ADGRL3: variants seen among roughly 807,000 people sequenced by gnomAD.
ADGRL3 encodes the protein calcium-independent alpha-latrotoxin receptor 3.
Under a neutral mutation model 153.5 loss-of-function variants are expected in ADGRL3, and 62 were observed. The observed-to-expected ratio is 0.40, with a 90% CI of 0.33 to 0.50. The LOEUF is 0.50. Among genes scored for constraint, ADGRL3 ranks in the 20% least tolerant of loss-of-function variants. The pLI, the probability that ADGRL3 is intolerant of heterozygous loss-of-function variation, is 0.47. For missense variants in ADGRL3, 1,641 were observed against 1,859.4 expected (o/e 0.88, Z 2.16); for synonymous variants, 710 against 672.5 (o/e 1.06, Z -0.86).
At chr4:61,428,856 T>TATCTATC (rs1560615965) in intron 2 of ADGRL3, among the ~76,000 whole-genome samples, 1 of 126,252 alleles carries the variant, frequency 7.9e-6, no homozygotes, top group East Asian at 2.2e-4. Context: ...TCTATCTATC[T>TATCTATC]ATCTATCTAT....
intron 6 of ADGRL3, among the ~76,000 whole-genome samples, chr4:61,711,495 C>CACAA: frequency 1.1e-5 from 1 of 87,328 alleles, no homozygotes; most frequent in Admixed American, 1.5e-4. Flanking sequence ...TATATATACA[C>CACAA]ACACACACAC....
At chr4:61,541,818 C>T (rs2098691402) in intron 4 of ADGRL3, among the ~76,000 whole-genome samples, 1 of 142,042 alleles carries the variant, frequency 7.0e-6, no homozygotes, top group African/African-American at 2.6e-5. Flanking sequence ...TTTTTTGAGC[C>T]TTAGATATAT....
intron 3 of ADGRL3, among the ~76,000 whole-genome samples, chr4:61,515,837 A>G (rs1005110846): frequency 3.3e-5 from 5 of 152,170 alleles, no homozygotes; most frequent in African/African-American, 1.2e-4. Context: ...AGAGAGGGAT[A>G]TCTTAGGAGC....
At chr4:61,959,571 G>A (rs2098980282) in intron 17 of ADGRL3, among the ~76,000 whole-genome samples, 1 of 152,066 alleles carries the variant, frequency 6.6e-6, no homozygotes, top group Admixed American at 6.6e-5. Flanking sequence ...AACAGTCACA[G>A]TTTGGAACAT....
chr4:61,745,788 T>A (rs1415489394), intron 8 of ADGRL3, among the ~76,000 whole-genome samples: 6 of 152,086 alleles, frequency 3.9e-5, no homozygotes, highest in Non-Finnish European at 8.8e-5. Context: ...AGGCTAGGAA[T>A]AAACTGCATC....
At chr4:61,500,401 G>T (rs1006103136) in intron 3 of ADGRL3, among the ~76,000 whole-genome samples, 1 of 152,082 alleles carries the variant, frequency 6.6e-6, no homozygotes, top group Non-Finnish European at 1.5e-5. Context: ...CAGCCTTTTG[G>T]AACCTAACTT....
At chr4:61,739,548 A>G (rs1001107485) in intron 8 of ADGRL3, among the ~76,000 whole-genome samples, 1 of 152,352 alleles carries the variant, frequency 6.6e-6, no homozygotes, top group Middle Eastern at 3.4e-3. Flanking sequence ...AGACTGTTGA[A>G]TGATTAAATG....
chr4:61,373,969 A>G (rs1578508818), intron 1 of ADGRL3, among the ~76,000 whole-genome samples: 1 of 152,198 alleles, frequency 6.6e-6, no homozygotes. Flanking sequence ...TGTCCTCAAA[A>G]GGCAGAGTAA....
intron 6 of ADGRL3, among the ~76,000 whole-genome samples, chr4:61,700,847 G>T (rs978801818): frequency 6.6e-6 from 1 of 152,224 alleles, no homozygotes; most frequent in South Asian, 2.1e-4. Context: ...TCAAGAATGA[G>T]CTAGGGAGAG....
intron 8 of ADGRL3, among the ~76,000 whole-genome samples, chr4:61,780,368 G>A (rs1043168424): frequency 3.9e-5 from 6 of 152,214 alleles, no homozygotes; most frequent in Admixed American, 3.9e-4. Context: ...CAGTCATGCA[G>A]TGTTTTGATC....
chr4:61,619,845 A>C (rs1579900078), intron 5 of ADGRL3, among the ~76,000 whole-genome samples: 2 of 152,252 alleles, frequency 1.3e-5, no homozygotes, highest in South Asian at 2.1e-4. Context: ...TGTGTTATGG[A>C]GGAGGCAAAT....
chr4:61,775,665 A>C, intron 8 of ADGRL3: 1 of 1,512,530 alleles, frequency 6.6e-7, no homozygotes, highest in Non-Finnish European at 9.1e-7. Flanking sequence ...CCAACTTGAC[A>C]TACATCACAG....
intron 1 of ADGRL3, among the ~76,000 whole-genome samples, chr4:61,342,335 A>C (rs1324627674): frequency 6.6e-6 from 1 of 152,172 alleles, no homozygotes; most frequent in Non-Finnish European, 1.5e-5. Context: ...TATAGTCTAT[A>C]AACATTGTGG....
intron 1 of ADGRL3, among the ~76,000 whole-genome samples, chr4:61,377,601 T>C (rs1578527778): frequency 6.6e-6 from 1 of 152,166 alleles, no homozygotes; most frequent in East Asian, 1.9e-4. Flanking sequence ...GGGATTTTTT[T>C]CATAGCATAA....
At chr4:61,749,358 G>A (rs1415022297) in intron 8 of ADGRL3, among the ~76,000 whole-genome samples, 1 of 152,106 alleles carries the variant, frequency 6.6e-6, no homozygotes, top group Non-Finnish European at 1.5e-5. Flanking sequence ...TCCCATTACT[G>A]GGTATATACC....
intron 10 of ADGRL3, among the ~76,000 whole-genome samples, chr4:61,895,311 C>T (rs967117888): frequency 3.9e-5 from 6 of 152,122 alleles, no homozygotes; most frequent in African/African-American, 1.4e-4. Flanking sequence ...ACTAAAAATA[C>T]ACAAATTAGC....
At chr4:62,041,319 G>T (rs1582019761) in intron 24 of ADGRL3, among the ~76,000 whole-genome samples, 1 of 151,750 alleles carries the variant, frequency 6.6e-6, no homozygotes, top group Middle Eastern at 3.4e-3. Context: ...CACAGAAATG[G>T]GTGTAACTTT....
intron 2 of ADGRL3, chr4:61,420,470 C>G (rs1292643149): frequency 7.0e-6 from 1 of 143,010 alleles, no homozygotes; most frequent in African/African-American, 2.6e-5. Flanking sequence ...GCAGTGGCGC[C>G]ATCTCGTCTC....
chr4:61,995,695 T>A, intron 19 of ADGRL3, among the ~76,000 whole-genome samples: 1 of 152,194 alleles, frequency 6.6e-6, no homozygotes, highest in East Asian at 1.9e-4. Context: ...ATTAATAATT[T>A]ACTTTTGGGT....
Sources: gnomAD v4.1 joint callset for allele counts (sites outside exome capture counted in the v4.1 genomes callset) on GRCh38, gnomAD v4.1.1 for gene constraint, MANE v1.5 for transcripts, NCBI Gene and HGNC (gene_info 2026-07-23, HGNC 2026-07-21) for gene names.